PARP6: variants seen among roughly 807,000 people sequenced by gnomAD.
PARP6 encodes the protein poly(ADP-ribose) polymerase family member 6.
A neutral mutation model predicts 92.0 loss-of-function variants in PARP6; 27 were observed. That is an observed-to-expected ratio of 0.29 (90% confidence interval 0.22 to 0.40). PARP6 has a LOEUF of 0.40. Ranked by LOEUF, PARP6 falls within the 10% of genes least tolerant of loss-of-function variation. The pLI, the probability that PARP6 is intolerant of heterozygous loss-of-function variation, is 1.00. For missense variants in PARP6, 501 were observed against 784.5 expected, an observed-to-expected ratio of 0.64 and a Z score of 4.32; for synonymous variants, 272 against 281.2, an observed-to-expected ratio of 0.97 and a Z score of 0.33.
chr15:72,260,492 G>C lies in PARP6; in HGVS notation c.742C>G (p.Arg248Gly). The C allele has an allele frequency of 1.2e-6, 2 of 1,613,958 alleles. No individual in the cohort carries two copies. Among genetic ancestry groups the C allele is most frequent in the Non-Finnish European group, 1.7e-6 (2 of 1,179,828 alleles). The change falls in exon 10 of 24, where the codon CGG (arginine) becomes GGG (glycine). Residue 248 changes from arginine to glycine, a missense_variant. By Grantham distance (125) the Arg-to-Gly change is moderately radical (BLOSUM62 -2). Around this residue, in one of 4 missense-constraint regions of PARP6, gnomAD observed 291 missense variants for 352.0 expected, o/e 0.83. Coordinates refer to ENST00000569795, the MANE Select transcript of PARP6 (RefSeq NM_001323532.2). Reference protein sequence around the residue: ...PQHVGLPPPARTSPLVSGHCK... With the variant: ...PQHVGLPPPAGTSPLVSGHCK... ...AGCCCATGTACCAAAGGAGAGGTCCGTGCTGGGGGAGGGAGGCCCACGTGC... is the reference window on the plus strand; with the variant it reads ...AGCCCATGTACCAAAGGAGAGGTCCCTGCTGGGGGAGGGAGGCCCACGTGC...
At chr15:72,257,164 C>T (rs1370364917) in intron 13 of PARP6, among the ~76,000 whole-genome samples, 184 bp downstream of exon 13, 2 of 152,160 alleles carry the variant, frequency 1.3e-5, no homozygotes, top group African/African-American at 2.4e-5. Context: ...AACGATATCC[C>T]ATAATTTCTT....
rs2086629767 is a variant in PARP6, at chr15:72,266,630, A to G, written c.81+115T>C. On this transcript the variant is annotated intron_variant, in intron 4 of 23. Coordinates refer to ENST00000569795, the MANE Select transcript of PARP6 (RefSeq NM_001323532.2). ...GACAAGACCATGCTCAGACCACATC[A>G]ACATTATAACCTCATCTCATCTGTG... is the stretch of plus-strand genomic sequence containing the variant. 6.4e-6 allele frequency: 5 copies of G among 777,492 alleles called. No homozygotes were observed. In the East Asian group the frequency reaches 1.2e-4, roughly 19 times the overall value. 48.2% of individuals were successfully genotyped at this position (777,492 alleles called of 1,614,324 possible).
At chr15:72,256,615 G>C (rs766082458) in intron 13 of PARP6, 25 bp from the exon 14 acceptor site, 8 of 1,492,318 alleles carry the variant, frequency 5.4e-6, no homozygotes, top group Non-Finnish European at 7.1e-6. Context: ...AAAAAAACAG[G>C]GCAGAAGCTA....
chr15:72,241,982 A>C lies in PARP6; in HGVS notation c.1709T>G (p.Ile570Ser). The C allele has an allele frequency of 1.2e-6, 2 of 1,611,186 alleles. No individual in the cohort carries two copies. Among genetic ancestry groups the C allele is most frequent in the Non-Finnish European group, 1.7e-6 (2 of 1,177,308 alleles). The change falls in exon 23 of 24, where the codon ATT becomes AGT. Residue 570 changes from isoleucine to serine, a missense_variant. Coordinates refer to ENST00000569795, the MANE Select transcript of PARP6 (RefSeq NM_001323532.2). This position sits in a 1 kb window ranked among gnomAD's most constrained non-coding sequence, Gnocchi z 4.1. ...ATGCTTCTGGAGGTCCTTAGATGTA[A>C]TCACTGGGAGAAAGAGGGCCAGAAA... is the stretch of plus-strand genomic sequence containing the variant. Reference protein sequence around the residue: ...NLNCIALCEVITSKDLQKHGN... With the variant: ...NLNCIALCEVSTSKDLQKHGN...
Position 72,256,587 on chromosome 15 carries a change from C to T in PARP6, c.1003G>A (p.Val335Met). ...AEEVATGAEVVDLLVAMCRAA... is the reference protein window; with the variant it reads ...AEEVATGAEVMDLLVAMCRAA... ...CTACACATGGCCACCAGCAGATCCA[C>T]CACCTTAGGGGAAAGGAAAAAAAAC... is the stretch of plus-strand genomic sequence containing the variant. The change falls in exon 14 of 24, where the codon GTG becomes ATG. Residue 335 changes from valine (V) to methionine (M), a missense_variant. This residue lies in a region of PARP6 where 191 missense variants were observed against 399.1 expected (regional missense o/e 0.48). Transcript: ENST00000569795. 6.4e-7 allele frequency: 1 copy of T among 1,552,990 alleles called. No homozygotes were observed. Among genetic ancestry groups the T allele is most frequent in the Non-Finnish European group, 8.7e-7 (1 of 1,153,664 alleles).
Position 72,242,734 on chromosome 15 carries a change from A to G in PARP6, c.1562-35T>C. 1.4e-6 allele frequency: 2 copies of G among 1,435,258 alleles called. No homozygotes were observed. Among genetic ancestry groups the G allele is most frequent in the Non-Finnish European group, 1.9e-6 (2 of 1,035,242 alleles). 88.9% of individuals were successfully genotyped at this position (1,435,258 alleles called of 1,614,324 possible). A position where few individuals can be genotyped will look rare whatever the true frequency, so the allele number is the denominator to read the frequency against. Reference sequence around the variant, plus strand: ...AACAATACACCCACTTCATTTATCAAAAATTTACGAAAGTGCCTACTATGT... The same window carrying G: ...AACAATACACCCACTTCATTTATCAGAAATTTACGAAAGTGCCTACTATGT... On this transcript the variant is annotated intron_variant, in intron 20 of 23. Coordinates refer to ENST00000569795, the MANE Select transcript of PARP6 (RefSeq NM_001323532.2). This position sits in a 1 kb window ranked among gnomAD's most constrained non-coding sequence, Gnocchi z 4.3.
chr15:72,258,976 G>A (rs1000228961), intron 11 of PARP6, among the ~76,000 whole-genome samples: 1 of 152,192 alleles, frequency 6.6e-6, no homozygotes, highest in Admixed American at 6.5e-5. Context: ...GATGTGGCAT[G>A]TTTATAAATT....
In PARP6 at chr15:72,266,792, C is replaced by G; in HGVS notation, c.34G>C (p.Asp12His). The change falls in exon 4 of 24, where the codon GAC (aspartate) becomes CAC (histidine). Residue 12 changes from aspartate (D) to histidine (H), a missense_variant. This residue lies in a region of PARP6 where 291 missense variants were observed against 352.0 expected (regional missense o/e 0.83). Transcript: ENST00000569795. ...DIKGQFWNDD[D>H]SEGDNESEEF... ...TCTGATTCATTATCTCCCTCCGAGT[C>G]GTCATCATTCCAGAACTGGCCTTTG... is the stretch of plus-strand genomic sequence containing the variant. 1 of 1,614,030 alleles carries G rather than the reference C, an allele frequency of 6.2e-7. No homozygotes were observed. The highest frequency in any genetic ancestry group is 8.5e-7 in the Non-Finnish European group (1 of 1,179,924).
intron 1 of PARP6, among the ~76,000 whole-genome samples, chr15:72,271,858 GA>G (rs1265389126): frequency 6.6e-6 from 1 of 152,184 alleles, no homozygotes; most frequent in Non-Finnish European, 1.5e-5. Flanking sequence ...GTTTCCACGA[GA>G]ATAAGTCAAA....
rs1419579898 is a variant in PARP6, at chr15:72,271,138, C to G, written c.-310G>C. 1 of 152,136 alleles carries G rather than the reference C, an allele frequency of 6.6e-6. No homozygotes were observed. The highest frequency in any genetic ancestry group is 2.4e-5 in the African/African-American group (1 of 41,426). The allele number at this position is 152,136 out of a possible 1,614,324, so 9.4% of individuals were successfully genotyped here. A position where few individuals can be genotyped will look rare whatever the true frequency, so the allele number is the denominator to read the frequency against. ...TCACAGAGGAATAAAGAGGGAGGCA[C>G]TAAATGTCCAGCCTGGGTTGCCCTG... is the stretch of plus-strand genomic sequence containing the variant. On this transcript the variant is annotated 5_prime_UTR_variant, in exon 2 of 24. Transcript: ENST00000569795.
rs1252577285 is a variant in PARP6, at chr15:72,251,217, G to A, written c.1298C>T (p.Pro433Leu). 4.4e-6 allele frequency: 7 copies of A among 1,594,854 alleles called. No individual in the cohort carries two copies. Among genetic ancestry groups the A allele is most frequent in the Middle Eastern group, 1.7e-4 (1 of 6,032 alleles). The change falls in exon 17 of 24, where the codon CCT (proline) becomes CTT (leucine). Residue 433 changes from proline (P) to leucine (L), a missense_variant. This residue lies in a region of PARP6 where 191 missense variants were observed against 399.1 expected (regional missense o/e 0.48). Transcript: ENST00000569795. ...SSNRSHIVKL[P>L]LSRLKFMHTS... is the part of the protein sequence containing the mutation. ...AGAATGGTCACTTACCCTGCTGAGA[G>A]GTAGTTTGACAATGTGTGACCTGTT...
intron 10 of PARP6, among the ~76,000 whole-genome samples, 169 bp from the exon 11 acceptor site, chr15:72,259,830 G>A (rs2085623411): frequency 6.6e-6 from 1 of 152,208 alleles, no homozygotes; most frequent in Non-Finnish European, 1.5e-5. Flanking sequence ...GTTCTGGAAA[G>A]GGGCTCACCT....
intron 16 of PARP6, among the ~76,000 whole-genome samples, chr15:72,253,158 G>C (rs571470614): frequency 1.4e-5 from 2 of 140,386 alleles, no homozygotes; most frequent in South Asian, 4.7e-4. Context: ...CGGGGCAACA[G>C]AGTGAGACCC....
chr15:72,259,788 A>G, intron 10 of PARP6, 127 bp from the exon 11 acceptor site: 1 of 779,326 alleles, frequency 1.3e-6, no homozygotes, highest in Non-Finnish European at 2.1e-6. Flanking sequence ...TCCCGAAGCT[A>G]GAAAGGAGAC....
rs759895397 is a variant in PARP6 at position 72,256,603 on chromosome 15, GA to G, written c.1000-14del. 38 of 1,513,288 alleles carry G rather than the reference GA, an allele frequency of 2.5e-5. No individual in the cohort carries two copies. Among genetic ancestry groups the G allele is most frequent in the South Asian group, 1.1e-4 (8 of 75,932 alleles). 93.7% of individuals were successfully genotyped at this position (1,513,288 alleles called of 1,614,324 possible). A position where few individuals can be genotyped will look rare whatever the true frequency, so the allele number is the denominator to read the frequency against. On this transcript the variant is annotated splice_polypyrimidine_tract_variant and intron_variant, in intron 13 of 23. Coordinates refer to ENST00000569795, the MANE Select transcript of PARP6 (RefSeq NM_001323532.2). ...GCAGATCCACCACCTTAGGGGAAAG[GA>G]AAAAAAACAGGGCAGAAGCTAAATG... is the stretch of plus-strand genomic sequence containing the variant.
chr15:72,258,896 G>A (rs1442826509), intron 11 of PARP6, among the ~76,000 whole-genome samples: 1 of 152,188 alleles, frequency 6.6e-6, no homozygotes, highest in East Asian at 1.9e-4. Context: ...ACCCAGCTCT[G>A]TGAAAGGTCT....
rs1044880585 is a variant in PARP6 at position 72,242,289 on chromosome 15, T to G, written c.1642-69A>C. The G allele has an allele frequency of 7.9e-7, 1 of 1,259,468 alleles. No homozygotes were observed. The highest frequency in any genetic ancestry group is 1.2e-6 in the Non-Finnish European group (1 of 861,422). 78.0% of individuals were successfully genotyped at this position (1,259,468 alleles called of 1,614,324 possible). ...GTACAGCTTTCCCTAGAGAGGCTGG[T>G]TAGCTGATGATTGGGAGTGGGGATC... On this transcript the variant is annotated intron_variant, in intron 21 of 23. Transcript: ENST00000569795. The surrounding 1 kb of genome is among the most constrained non-coding windows in gnomAD (Gnocchi z 4.3).
intron 20 of PARP6, chr15:72,244,655 A>C (rs946081874): frequency 6.6e-6 from 1 of 152,266 alleles, no homozygotes; most frequent in African/African-American, 2.4e-5. Flanking sequence ...GCGTAGAAGA[A>C]AACATACAAG....
At position 72,260,570 on chromosome 15, in the gene PARP6, C is replaced by T. The variant is rs2085736147; in HGVS notation, c.664G>A (p.Val222Met). The T allele has an allele frequency of 6.2e-7, 1 of 1,614,156 alleles. No individual in the cohort carries two copies. The highest frequency in any genetic ancestry group is 1.3e-5 in the African/African-American group (1 of 75,024). Reference protein sequence around the residue: ...SISCTMKNPKVEVFGYPPSPQ... With the variant: ...SISCTMKNPKMEVFGYPPSPQ... ...CTGGGAGGGTAGCCAAACACTTCCA[C>T]TTTGGGGTTCTTCATGGTACAGGAG... The change falls in exon 10 of 24, where the codon GTG becomes ATG. Residue 222 changes from valine (V) to methionine (M), a missense_variant. By Grantham distance (21) the Val-to-Met change is conservative (BLOSUM62 1). Around this residue, in one of 4 missense-constraint regions of PARP6, gnomAD observed 291 missense variants for 352.0 expected, o/e 0.83. Coordinates refer to ENST00000569795, the MANE Select transcript of PARP6 (RefSeq NM_001323532.2).
Sources: allele counts gnomAD v4.1 joint callset (sites outside exome capture counted in the v4.1 genomes callset), GRCh38; gene constraint gnomAD v4.1.1; regional missense constraint gnomAD v4.1.1; non-coding constraint Gnocchi (gnomAD v3.1); transcripts MANE v1.5; gene names NCBI Gene and HGNC (gene_info 2026-07-23, HGNC 2026-07-21).